MYO1D: variants seen among roughly 807,000 people sequenced by gnomAD.
The protein encoded by MYO1D is unconventional myosin-Id.
MYO1D carries 83 observed loss-of-function variants against 122.0 expected under a neutral mutation model. The ratio of observed to expected loss-of-function variants is 0.68; its 90% CI spans 0.57 to 0.82. The LOEUF is 0.82. Ranked by LOEUF, MYO1D falls within the 40% of genes least tolerant of loss-of-function variation. The pLI is 0.00. For synonymous variants in MYO1D, 464 were observed against 446.9 expected (o/e 1.04, Z -0.48); for missense variants, 1,157 against 1,269.5 (o/e 0.91, Z 1.35).
intron 16 of MYO1D, among the ~76,000 whole-genome samples, chr17:32,670,288 A>T (rs952708239): frequency 9.2e-5 from 14 of 152,338 alleles, no homozygotes; most frequent in Admixed American, 7.8e-4. Flanking sequence ...ATAGTTACAG[A>T]AGAGAATGCT....
chr17:32,874,416 C>A (rs2091211381), intron 1 of MYO1D, among the ~76,000 whole-genome samples: 1 of 152,064 alleles, frequency 6.6e-6, no homozygotes, highest in Non-Finnish European at 1.5e-5. Flanking sequence ...GATCATAGCT[C>A]ACGGCAGCTT....
intron 1 of MYO1D, among the ~76,000 whole-genome samples, chr17:32,787,208 TAGA>T (rs2090306072): frequency 6.6e-6 from 1 of 151,890 alleles, no homozygotes; most frequent in South Asian, 2.1e-4. Context: ...CTGCTGAAAA[TAGA>T]AGGAGACAGG....
At chr17:32,521,635 C>T (rs2150867211) in intron 21 of MYO1D, among the ~76,000 whole-genome samples, 1 of 152,252 alleles carries the variant, frequency 6.6e-6, no homozygotes, top group East Asian at 1.9e-4. Context: ...AGAACCCTAG[C>T]CAGCCAACCT....
chr17:32,694,663 T>C (rs1049950512), intron 16 of MYO1D, among the ~76,000 whole-genome samples: 95 of 123,992 alleles, frequency 7.7e-4, no homozygotes, highest in African/African-American at 2.7e-3. Context: ...ATTGCGCCAC[T>C]GCAGTCCGCA....
chr17:32,582,778 C>T (rs1375740706), intron 21 of MYO1D, among the ~76,000 whole-genome samples: 1 of 152,132 alleles, frequency 6.6e-6, no homozygotes, highest in Non-Finnish European at 1.5e-5. Context: ...TTGTAGATTT[C>T]TCCATTTTCC....
At chr17:32,718,687 A>G (rs2089475009) in intron 15 of MYO1D, among the ~76,000 whole-genome samples, 1 of 152,124 alleles carries the variant, frequency 6.6e-6, no homozygotes, top group African/African-American at 2.4e-5. Flanking sequence ...GTGACAGAGC[A>G]AGACCCTGTC....
At chr17:32,619,206 C>T (rs2087820565) in intron 20 of MYO1D, among the ~76,000 whole-genome samples, 2 of 152,092 alleles carry the variant, frequency 1.3e-5, no homozygotes, top group Admixed American at 1.3e-4. Context: ...ATCTCTGAGT[C>T]TTCCTATACT....
intron 21 of MYO1D, among the ~76,000 whole-genome samples, chr17:32,536,835 A>C (rs1007537179): frequency 6.6e-6 from 1 of 152,144 alleles, no homozygotes; most frequent in African/African-American, 2.4e-5. Flanking sequence ...ATTACCCAGG[A>C]TTTCATTTTG....
At chr17:32,723,105 A>T (rs959466982) in intron 14 of MYO1D, among the ~76,000 whole-genome samples, 2 of 152,200 alleles carry the variant, frequency 1.3e-5, no homozygotes, top group Non-Finnish European at 2.9e-5. Flanking sequence ...ACATGGATGT[A>T]CTCAGAGGGT....
At chr17:32,672,052 T>G (rs960494484) in intron 16 of MYO1D, among the ~76,000 whole-genome samples, 18 of 152,206 alleles carry the variant, frequency 1.2e-4, no homozygotes, top group African/African-American at 4.3e-4. Context: ...ACAAACATGA[T>G]GTGGTATTTG....
rs138290054 is a variant in MYO1D at position 32,709,134 on chromosome 17, A to G, written c.2121+2854T>C. Among the ~76,000 whole-genome samples, 266 of 152,340 alleles carry G rather than the reference A, an allele frequency of 1.7e-3. 1 individual carries two copies. Among genetic ancestry groups the G allele is most frequent in the African/African-American group, 6.3e-3 (263 of 41,570 alleles). Reference sequence around the variant, plus strand: ...GCTGTAGATTTAAAAAGAGGAATCTACCGGGCACCATGTAGAAAGAAAGTG... The same window carrying G: ...GCTGTAGATTTAAAAAGAGGAATCTGCCGGGCACCATGTAGAAAGAAAGTG... On this transcript the variant is annotated intron_variant, in intron 16 of 21. Transcript: ENST00000318217.
chr17:32,665,720 T>A (rs989939777), intron 16 of MYO1D, among the ~76,000 whole-genome samples: 17 of 152,210 alleles, frequency 1.1e-4, no homozygotes, highest in African/African-American at 3.9e-4. Context: ...TCCTCAAATG[T>A]ATAGGGATCG....
chr17:32,758,913 T>G (rs1436801912), intron 10 of MYO1D, among the ~76,000 whole-genome samples: 1 of 152,104 alleles, frequency 6.6e-6, no homozygotes, highest in Non-Finnish European at 1.5e-5. Flanking sequence ...TTTGAGATGT[T>G]TGGAACAGTC....
At chr17:32,782,843 G>A (rs1448664583) in intron 1 of MYO1D, among the ~76,000 whole-genome samples, 1 of 152,052 alleles carries the variant, frequency 6.6e-6, no homozygotes, top group Non-Finnish European at 1.5e-5. Flanking sequence ...GCTGAGGCGG[G>A]AGGATCGGTT....
chr17:32,506,024 G>T (rs188196772), intron 21 of MYO1D, among the ~76,000 whole-genome samples: 7 of 152,326 alleles, frequency 4.6e-5, no homozygotes, highest in Non-Finnish European at 7.3e-5. Flanking sequence ...TTTGAGACCA[G>T]TGTGGGTAAC....
chr17:32,494,959 T>C, intron 21 of MYO1D, 44 bp from the exon 22 acceptor site: 6 of 1,553,790 alleles, frequency 3.9e-6, no homozygotes, highest in Non-Finnish European at 5.2e-6. Flanking sequence ...GCAGGCAGCA[T>C]GAGAACAGGG....
chr17:32,769,518 C>A (rs1324547403), intron 6 of MYO1D, among the ~76,000 whole-genome samples: 1 of 152,002 alleles, frequency 6.6e-6, no homozygotes, highest in Non-Finnish European at 1.5e-5. Flanking sequence ...TATATGACTC[C>A]TGCATTTTAG....
intron 16 of MYO1D, among the ~76,000 whole-genome samples, chr17:32,661,918 C>A (rs2088571390): frequency 6.6e-6 from 1 of 152,110 alleles, no homozygotes; most frequent in Non-Finnish European, 1.5e-5. Flanking sequence ...CATTGCTGTG[C>A]TAAGAAGTAT....
intron 21 of MYO1D, among the ~76,000 whole-genome samples, chr17:32,543,162 C>T (rs575889831): frequency 1.1e-4 from 17 of 150,940 alleles, no homozygotes; most frequent in East Asian, 5.9e-4. Flanking sequence ...GGAGGCGGAG[C>T]TTGCAGTGAG....
Sources: allele counts gnomAD v4.1 joint callset (sites outside exome capture counted in the v4.1 genomes callset), GRCh38; gene constraint gnomAD v4.1.1; transcripts MANE v1.5; gene names NCBI Gene and HGNC (gene_info 2026-07-23, HGNC 2026-07-21).